Variants in KCNQ5 observed in about 807,000 individuals in gnomAD.
KCNQ5 encodes potassium voltage-gated channel subfamily Q member 5, also known as potassium voltage-gated channel subfamily KQT member 5.
In KCNQ5, 30 loss-of-function variants were observed where a neutral mutation model predicts 98.2. The observed-to-expected ratio is 0.31, with a 90% confidence interval of 0.23 to 0.41. KCNQ5 has a LOEUF of 0.41. Among genes scored for constraint, KCNQ5 ranks in the 10% least tolerant of loss-of-function variants. KCNQ5 has a pLI of 1.00. For missense variants in KCNQ5, 835 were observed against 1,182.5 expected (o/e 0.71, Z 4.31); for synonymous variants, 458 against 449.4 (o/e 1.02, Z -0.24).
chr6:73,016,615 G>A (rs1770358709), intron 2 of KCNQ5, among the ~76,000 whole-genome samples: 1 of 152,062 alleles, frequency 6.6e-6, no homozygotes, highest in Non-Finnish European at 1.5e-5. Flanking sequence ...TAATAGGATG[G>A]GGGACATTTA....
intron 1 of KCNQ5, among the ~76,000 whole-genome samples, chr6:72,971,397 G>A (rs1351718515): frequency 6.6e-6 from 1 of 152,188 alleles, no homozygotes; most frequent in Non-Finnish European, 1.5e-5. Flanking sequence ...CACTGTTGGT[G>A]GGACTGTAAA....
At chr6:73,184,179 T>C (rs945909121) in intron 11 of KCNQ5, among the ~76,000 whole-genome samples, 1 of 152,244 alleles carries the variant, frequency 6.6e-6, no homozygotes, top group African/African-American at 2.4e-5. Context: ...TTTCTCCTTA[T>C]TTCCTCAAAA....
chr6:73,059,471 T>C (rs1772682798), intron 3 of KCNQ5, among the ~76,000 whole-genome samples: 1 of 152,156 alleles, frequency 6.6e-6, no homozygotes, highest in Non-Finnish European at 1.5e-5. Context: ...CTATGCTTTT[T>C]ACCTGCGTGA....
At chr6:73,126,326 G>A (rs1169517693) in intron 9 of KCNQ5, among the ~76,000 whole-genome samples, 1 of 152,168 alleles carries the variant, frequency 6.6e-6, no homozygotes. Flanking sequence ...ATGACATGGA[G>A]GTGCTTGAAT....
At chr6:73,130,930 G>A (rs958812712) in intron 9 of KCNQ5, among the ~76,000 whole-genome samples, 7 of 152,206 alleles carry the variant, frequency 4.6e-5, no homozygotes, top group South Asian at 2.1e-4. Flanking sequence ...GTAATATGCC[G>A]AGTTTATTTT....
intron 10 of KCNQ5, among the ~76,000 whole-genome samples, chr6:73,158,459 GT>G (rs1777473110): frequency 6.6e-6 from 1 of 151,910 alleles, no homozygotes; most frequent in Admixed American, 6.6e-5. Context: ...TAGAGACGGG[GT>G]TTCACCACGT....
rs35354592 is a variant in KCNQ5, at chr6:73,088,023, C to CTTT, written c.918+10149_918+10151dup. On this transcript the variant is annotated intron_variant, in intron 5 of 13. Transcript: ENST00000370398. ...TTGTTTTCTTTTTCTCTCTCTCTCT[C>CTTT]TTTTTTTTTTTTTTTCCAGATGGAG... is the stretch of plus-strand genomic sequence containing the variant. 7.3e-3 allele frequency among the ~76,000 whole-genome samples: 980 copies of CTTT among 133,346 alleles called. 15 individuals are homozygous for CTTT. The highest frequency in any genetic ancestry group is 0.01 in the Non-Finnish European group (652 of 64,518). The allele number at this position is 133,346 out of a possible 152,430, so 87.5% of individuals were successfully genotyped here.
At chr6:72,941,699 T>TTCTCCCTCAA (rs1766317618) in intron 1 of KCNQ5, among the ~76,000 whole-genome samples, 3 of 1,590 alleles carry the variant, frequency 1.9e-3, no homozygotes, top group African/African-American at 4.1e-3. Context: ...TTTCTTTCTT[T>TTCTCCCTCAA]CTTTCTTTCT....
At chr6:72,770,073 C>T (rs939294522) in intron 1 of KCNQ5, among the ~76,000 whole-genome samples, 7 of 152,120 alleles carry the variant, frequency 4.6e-5, no homozygotes, top group African/African-American at 1.7e-4. Context: ...TACACCATCT[C>T]AAGCAACAGG....
intron 1 of KCNQ5, among the ~76,000 whole-genome samples, chr6:72,950,454 C>T (rs1766745253): frequency 6.6e-6 from 1 of 152,208 alleles, no homozygotes; most frequent in South Asian, 2.1e-4. Context: ...AGAAAATCCT[C>T]ACTGATTATC....
intron 10 of KCNQ5, among the ~76,000 whole-genome samples, chr6:73,162,041 CA>C (rs1777633230): frequency 6.6e-6 from 1 of 151,994 alleles, no homozygotes; most frequent in African/African-American, 2.4e-5. Flanking sequence ...CTCAGCCTCC[CA>C]AGTAGCTGGG....
At chr6:73,070,185 C>T (rs193041761) in intron 3 of KCNQ5, among the ~76,000 whole-genome samples, 6 of 152,082 alleles carry the variant, frequency 3.9e-5, no homozygotes, top group East Asian at 3.9e-4. Flanking sequence ...AAAATAAATA[C>T]GTTTACAATA....
chr6:72,685,951 C>T (rs1387118105), intron 1 of KCNQ5, among the ~76,000 whole-genome samples: 3 of 152,196 alleles, frequency 2.0e-5, no homozygotes, highest in Admixed American at 1.3e-4. Context: ...GGGTCCTCTT[C>T]TTAGCTTGCA....
intron 2 of KCNQ5, among the ~76,000 whole-genome samples, chr6:73,040,138 A>C (rs9351963): frequency 0.18 from 28,023 of 152,152 alleles, 4,106 homozygotes; most frequent in African/African-American, 0.39. Context: ...TGACCTTGGC[A>C]TACCTAAGAA....
At chr6:72,928,453 G>A (rs1308022763) in intron 1 of KCNQ5, among the ~76,000 whole-genome samples, 1 of 151,896 alleles carries the variant, frequency 6.6e-6, no homozygotes, top group South Asian at 2.1e-4. Flanking sequence ...TTTCTTCATA[G>A]GAATGATCTT....
intron 7 of KCNQ5, among the ~76,000 whole-genome samples, chr6:73,119,348 A>C (rs748207323): frequency 6.6e-6 from 1 of 152,182 alleles, no homozygotes; most frequent in Non-Finnish European, 1.5e-5. Context: ...AAACCTCTTC[A>C]TTTATCTGAG....
At chr6:72,709,279 T>C (rs1769241796) in intron 1 of KCNQ5, among the ~76,000 whole-genome samples, 1 of 152,250 alleles carries the variant, frequency 6.6e-6, no homozygotes, top group East Asian at 1.9e-4. Flanking sequence ...TTTAGGACAT[T>C]TATTTCAATC....
At chr6:73,018,432 C>T (rs932533483) in intron 2 of KCNQ5, among the ~76,000 whole-genome samples, 2 of 151,868 alleles carry the variant, frequency 1.3e-5, no homozygotes, top group East Asian at 1.9e-4. Flanking sequence ...GGATAGAGGT[C>T]GAGCTGTGTC....
chr6:73,058,771 G>T (rs6907158), intron 3 of KCNQ5, among the ~76,000 whole-genome samples: 147,841 of 152,284 alleles, frequency 0.97, 71,900 homozygotes, highest in Middle Eastern at 1. Flanking sequence ...ACAGACACTT[G>T]TAAAAGAAGA....
Sources: gnomAD v4.1 joint callset for allele counts (sites outside exome capture counted in the v4.1 genomes callset) on GRCh38, gnomAD v4.1.1 for gene constraint, MANE v1.5 for transcripts, NCBI Gene and HGNC (gene_info 2026-07-23, HGNC 2026-07-21) for gene names.